SOX5: variants seen among roughly 807,000 people sequenced by gnomAD.
SOX5 encodes transcription factor SOX-5.
Under a neutral mutation model 92.0 loss-of-function variants are expected in SOX5, and 9 were observed. The ratio of observed to expected loss-of-function variants is 0.10; its 90% CI spans 0.06 to 0.17. SOX5 has a LOEUF of 0.17. SOX5 is among the 10% of genes least tolerant of loss of function. The pLI, the probability that SOX5 is intolerant of heterozygous loss-of-function variation, is 1.00. For missense variants in SOX5, 642 were observed against 944.5 expected (o/e 0.68, Z 4.20); for synonymous variants, 344 against 336.3 (o/e 1.02, Z -0.25).
Position 23,987,035 on chromosome 12 carries a change from T to A in SOX5, c.-1-91011A>T, listed in dbSNP as rs552002019. On this transcript the variant is annotated intron_variant, in intron 4 of 4. Coordinates refer to the SOX5 transcript ENST00000446891. ...GTTCAGTTCATTAACAGGTTTTACT[T>A]GCTATACATTTAAAAGACTGATTTC... Among the ~76,000 whole-genome samples, 12 of 152,334 alleles carry A rather than the reference T, an allele frequency of 7.9e-5. No individual in the cohort carries two copies. The South Asian group carries it at 2.5e-3, about 32-fold the overall frequency.
chr12:23,695,425 T>C (rs191249829), intron 6 of SOX5, among the ~76,000 whole-genome samples: 1 of 152,278 alleles, frequency 6.6e-6, no homozygotes, highest in Admixed American at 6.5e-5. Context: ...AACAGGAGGA[T>C]AGTTCTAAGT....
intron 11 of SOX5, among the ~76,000 whole-genome samples, chr12:23,556,300 G>A (rs1407882464): frequency 3.9e-5 from 6 of 152,032 alleles, no homozygotes; most frequent in African/African-American, 2.4e-5. Flanking sequence ...AAATTTGCAG[G>A]GTAGAGAGAC....
chr12:23,533,224 T>C lies in SOX5; in HGVS notation c.*995A>G, dbSNP rs762786201. Reference sequence around the variant, plus strand: ...ACTCACAATGGTCCAACGTTATTCCTATTATTAGTACCATAATCACATACA... The same window carrying C: ...ACTCACAATGGTCCAACGTTATTCCCATTATTAGTACCATAATCACATACA... On this transcript the variant is annotated 3_prime_UTR_variant, in exon 15 of 15. Transcript: ENST00000451604. The C allele has an allele frequency of 9.7e-5, 44 of 455,822 alleles. No homozygotes were observed. The highest frequency in any genetic ancestry group is 6.2e-4 in the South Asian group (40 of 64,476). The allele number at this position is 455,822 out of a possible 1,614,324, so 28.2% of individuals were successfully genotyped here. A position where few individuals can be genotyped will look rare whatever the true frequency, so the allele number is the denominator to read the frequency against.
chr12:23,731,746 T>A (rs543567386), intron 6 of SOX5, among the ~76,000 whole-genome samples: 1 of 152,334 alleles, frequency 6.6e-6, no homozygotes, highest in East Asian at 1.9e-4. Context: ...TTGCTAAAAC[T>A]GGACCAAGAT....
intron 4 of SOX5, among the ~76,000 whole-genome samples, chr12:23,749,832 C>T (rs1303682462): frequency 6.6e-6 from 1 of 151,834 alleles, no homozygotes; most frequent in African/African-American, 2.4e-5. Flanking sequence ...TAATAGTTAT[C>T]CCAAAACATG....
intron 3 of SOX5, among the ~76,000 whole-genome samples, chr12:24,248,130 G>A (rs766072900): frequency 1.3e-5 from 2 of 152,196 alleles, no homozygotes; most frequent in Non-Finnish European, 2.9e-5. Context: ...TCTGGATTGA[G>A]TCTCTCTATT....
At chr12:24,371,746 G>A (rs558444943) in intron 1 of SOX5, among the ~76,000 whole-genome samples, 2 of 152,272 alleles carry the variant, frequency 1.3e-5, no homozygotes, top group African/African-American at 2.4e-5. Context: ...TCAACACTTC[G>A]GGAGGCCGAG....
chr12:24,412,441 G>T (rs1964274275), intron 1 of SOX5, among the ~76,000 whole-genome samples: 1 of 151,854 alleles, frequency 6.6e-6, no homozygotes, highest in South Asian at 2.1e-4. Context: ...CCCTCTCAAA[G>T]TTGCTTTAGC....
intron 8 of SOX5, among the ~76,000 whole-genome samples, chr12:23,620,731 A>G (rs928626770): frequency 6.6e-6 from 1 of 152,076 alleles, no homozygotes; most frequent in East Asian, 1.9e-4. Context: ...TTTTACTTTC[A>G]TTGACTTTTT....
At chr12:24,371,341 T>G (rs7956372) in intron 1 of SOX5, among the ~76,000 whole-genome samples, 1 of 151,458 alleles carries the variant, frequency 6.6e-6, no homozygotes, top group Non-Finnish European at 1.5e-5. Flanking sequence ...GACAGATTTT[T>G]CCCCCCCAGG....
intron 1 of SOX5, among the ~76,000 whole-genome samples, chr12:24,487,970 T>C (rs571818085): frequency 6.6e-6 from 1 of 152,284 alleles, no homozygotes; most frequent in African/African-American, 2.4e-5. Flanking sequence ...CTCTCTTCCG[T>C]AGCAGGATTG....
chr12:23,695,235 A>G (rs1276525457), intron 6 of SOX5, among the ~76,000 whole-genome samples: 3 of 152,224 alleles, frequency 2.0e-5, no homozygotes, highest in Admixed American at 6.5e-5. Flanking sequence ...ACTGATTAGC[A>G]TAGCTTGAAA....
chr12:24,136,989 T>A (rs1218354900), intron 4 of SOX5, among the ~76,000 whole-genome samples: 1 of 152,172 alleles, frequency 6.6e-6, no homozygotes, highest in Admixed American at 6.5e-5. Context: ...AAAATATCAC[T>A]CACTCCTGAA....
chr12:24,421,843 T>G (rs1215914156), intron 1 of SOX5, among the ~76,000 whole-genome samples: 1 of 152,228 alleles, frequency 6.6e-6, no homozygotes, highest in Admixed American at 6.5e-5. Flanking sequence ...ACAGACTGAT[T>G]CTAATGTTCC....
rs1946543435 is a variant in SOX5 at position 23,563,380 on chromosome 12, C to T, written c.1366G>A (p.Val456Ile). ...TIGYLNDHDAVTKAIQEARQM... is the reference protein window; with the variant it reads ...TIGYLNDHDAITKAIQEARQM... Reference sequence around the variant, plus strand: ...CGAGCTTCTTGGATTGCCTTGGTGACAGCATCATGGTCATTTAAGTAACCT... The same window carrying T: ...CGAGCTTCTTGGATTGCCTTGGTGATAGCATCATGGTCATTTAAGTAACCT... The change falls in exon 11 of 15, where the codon GTC (valine) becomes ATC (isoleucine). Residue 456 changes from valine to isoleucine, a missense_variant. By Grantham distance (29) the Val-to-Ile change is conservative. Coordinates refer to ENST00000451604, the MANE Select transcript of SOX5 (RefSeq NM_006940.6). 2 of 1,613,904 alleles carry T rather than the reference C, an allele frequency of 1.2e-6. No homozygotes were observed. Among genetic ancestry groups the T allele is most frequent in the Non-Finnish European group, 1.7e-6 (2 of 1,179,870 alleles).
intron 1 of SOX5, among the ~76,000 whole-genome samples, chr12:24,381,064 G>A (rs1957773036): frequency 1.3e-5 from 2 of 152,164 alleles, no homozygotes. Context: ...GAACAGTGTG[G>A]CCTACGGAGG....
chr12:24,543,680 C>G (rs1402692486), intron 1 of SOX5, among the ~76,000 whole-genome samples: 1 of 151,946 alleles, frequency 6.6e-6, no homozygotes, highest in African/African-American at 2.4e-5. Flanking sequence ...AGAGTGAGAC[C>G]CTGGCTCAAA....
At chr12:23,697,364 C>T (rs1334766995) in intron 6 of SOX5, among the ~76,000 whole-genome samples, 1 of 152,140 alleles carries the variant, frequency 6.6e-6, no homozygotes, top group Non-Finnish European at 1.5e-5. Flanking sequence ...CTATTTGACA[C>T]TTTTATAGCT....
upstream of SOX5, among the ~76,000 whole-genome samples, chr12:23,954,336 T>C (rs576824478): frequency 2.0e-5 from 3 of 152,086 alleles, no homozygotes; most frequent in African/African-American, 7.2e-5. Flanking sequence ...TGTCAGACAA[T>C]ACTAACATTT....
Sources: allele counts gnomAD v4.1 joint callset (sites outside exome capture counted in the v4.1 genomes callset), GRCh38; gene constraint gnomAD v4.1.1; transcripts MANE v1.5; gene names NCBI Gene and HGNC (gene_info 2026-07-23, HGNC 2026-07-21).